The following CNTNAP3 variants were observed in gnomAD, a reference collection of about 807,000 sequenced individuals.
The protein encoded by CNTNAP3 is contactin associated protein family member 3, also known as contactin-associated protein-like 3.
A neutral mutation model predicts 92.1 loss-of-function variants in CNTNAP3; 36 were observed. That is an observed-to-expected ratio of 0.39 (90% CI 0.30 to 0.52). CNTNAP3 has a LOEUF of 0.52. Among genes scored for constraint, CNTNAP3 ranks in the 20% least tolerant of loss-of-function variants. CNTNAP3 has a pLI of 0.76. For synonymous variants in CNTNAP3, 232 were observed against 422.3 expected (o/e 0.55, Z 5.53); for missense variants, 534 against 1,069.6 (o/e 0.50, Z 6.98).
intron 13 of CNTNAP3, among the ~76,000 whole-genome samples, chr9:39,129,906 T>G (rs987248878): frequency 6.6e-6 from 1 of 152,108 alleles, no homozygotes; most frequent in African/African-American, 2.4e-5. Context: ...ATGCTCAATA[T>G]TATTAGACAT....
intron 15 of CNTNAP3, among the ~76,000 whole-genome samples, chr9:39,108,466 C>A (rs567171059): frequency 1.3e-5 from 2 of 152,280 alleles, no homozygotes; most frequent in East Asian, 3.9e-4. Flanking sequence ...TCAGAAGTAG[C>A]CTCCACACAT....
At chr9:39,114,976 T>A (rs1820820418) in intron 14 of CNTNAP3, among the ~76,000 whole-genome samples, 1 of 150,976 alleles carries the variant, frequency 6.6e-6, no homozygotes, top group South Asian at 2.1e-4. Flanking sequence ...ACTTGCAGCA[T>A]AGTTCAATAT....
At position 39,085,476 on chromosome 9, in the gene CNTNAP3, T is replaced by C. The variant is rs1018345239; in HGVS notation, c.3442+260A>G. The C allele has an allele frequency of 4.9e-5, 23 of 468,196 alleles. 1 individual carries two copies. The Middle Eastern group carries it at 1.8e-3, about 36-fold the overall frequency. 29.0% of individuals were successfully genotyped at this position (468,196 alleles called of 1,614,324 possible). Reference sequence around the variant, plus strand: ...CACTTTTCAAGAAGGATTAGAAAAATACCGTGATTCATTATGCATGATTGC... The same window carrying C: ...CACTTTTCAAGAAGGATTAGAAAAACACCGTGATTCATTATGCATGATTGC... On this transcript the variant is annotated intron_variant, in intron 21 of 23. Coordinates refer to ENST00000297668, the MANE Select transcript of CNTNAP3 (RefSeq NM_033655.5).
intron 13 of CNTNAP3, among the ~76,000 whole-genome samples, chr9:39,120,359 C>T (rs1317533942): frequency 6.6e-6 from 1 of 152,138 alleles, no homozygotes; most frequent in Non-Finnish European, 1.5e-5. Flanking sequence ...GAGAAACTAT[C>T]CTTCAAGAAT....
chr9:39,158,109 A>G (rs146713966), intron 9 of CNTNAP3, among the ~76,000 whole-genome samples: 4 of 121,934 alleles, frequency 3.3e-5, no homozygotes, highest in Admixed American at 7.8e-5. Flanking sequence ...TGGGAAATCA[A>G]TAAGATGCTC....
chr9:39,086,682 T>C, intron 20 of CNTNAP3, 34 bp downstream of exon 20: 1 of 1,600,128 alleles, frequency 6.2e-7, no homozygotes, highest in Non-Finnish European at 8.5e-7. Context: ...AATAATAATA[T>C]TAGTTAGTTT....
At chr9:39,114,850 T>C (rs1320200768) in intron 14 of CNTNAP3, among the ~76,000 whole-genome samples, 1 of 151,790 alleles carries the variant, frequency 6.6e-6, no homozygotes, top group Non-Finnish European at 1.5e-5. Flanking sequence ...ATCATTATAT[T>C]AGCAAAACAA....
At chr9:39,124,944 G>A (rs1228046700) in intron 13 of CNTNAP3, among the ~76,000 whole-genome samples, 7 of 150,652 alleles carry the variant, frequency 4.6e-5, no homozygotes, top group Admixed American at 3.3e-4. Context: ...GTGGAAGACA[G>A]TGTTGCGATT....
Position 39,132,918 on chromosome 9 carries a change from G to A in CNTNAP3, c.2080+14C>T, listed in dbSNP as rs1363101707. 3.2e-6 allele frequency: 5 copies of A among 1,540,564 alleles called. No individual in the cohort carries two copies. The highest frequency in any genetic ancestry group is 1.2e-5 in the South Asian group (1 of 84,710). On this transcript the variant is annotated intron_variant, in intron 13 of 23. Transcript: ENST00000297668. ...GCCCCGTGAACCCCTGTAGCCTCCA[G>A]GAGTGGCGCTTACCTCGTGAGTCCG...
intron 7 of CNTNAP3, among the ~76,000 whole-genome samples, chr9:39,175,034 C>G (rs1350162693): frequency 9.2e-6 from 1 of 108,172 alleles, no homozygotes; most frequent in Non-Finnish European, 1.8e-5. Context: ...GTGGCAAAAC[C>G]CTGTCTGTAC....
chr9:39,131,235 C>A (rs986635527), intron 13 of CNTNAP3, among the ~76,000 whole-genome samples: 4 of 151,956 alleles, frequency 2.6e-5, no homozygotes, highest in African/African-American at 9.7e-5. Context: ...AGGAGAGTTT[C>A]TTACTTACTG....
chr9:39,100,253 A>G (rs1826424831), intron 17 of CNTNAP3, 103 bp from the exon 18 acceptor site: 1 of 1,538,130 alleles, frequency 6.5e-7, no homozygotes, highest in African/African-American at 1.4e-5. Flanking sequence ...CAATAATCAC[A>G]ATGTGTCAAA....
At chr9:39,124,387 A>T (rs1184952416) in intron 13 of CNTNAP3, among the ~76,000 whole-genome samples, 1 of 152,146 alleles carries the variant, frequency 6.6e-6, no homozygotes, top group African/African-American at 2.4e-5. Context: ...AAACAAGGGC[A>T]ACAAATAAAA....
At chr9:39,107,133 G>T (rs1026968324) in intron 15 of CNTNAP3, among the ~76,000 whole-genome samples, 1 of 151,910 alleles carries the variant, frequency 6.6e-6, no homozygotes, top group Non-Finnish European at 1.5e-5. Flanking sequence ...GGACAGACCT[G>T]CCAGACAGAC....
intron 13 of CNTNAP3, among the ~76,000 whole-genome samples, chr9:39,123,133 CG>C (rs1312413257): frequency 1.4e-5 from 2 of 138,334 alleles, no homozygotes; most frequent in African/African-American, 5.6e-5. Flanking sequence ...CTCTCTCTGT[CG>C]CCCAGGCTGG....
At chr9:39,159,372 T>A (rs910308350) in intron 9 of CNTNAP3, 5 of 137,682 alleles carry the variant, frequency 3.6e-5, no homozygotes, top group African/African-American at 1.3e-4. Context: ...AAATATTATA[T>A]ATATATATAT....
At chr9:39,157,573 C>T (rs1250521935) in intron 9 of CNTNAP3, among the ~76,000 whole-genome samples, 3 of 90,320 alleles carry the variant, frequency 3.3e-5, no homozygotes, top group African/African-American at 1.2e-4. Flanking sequence ...GTCTCAATCT[C>T]TTGACCTTGT....
intron 15 of CNTNAP3, among the ~76,000 whole-genome samples, chr9:39,104,518 AC>A (rs1170504181): frequency 2.0e-5 from 3 of 147,056 alleles, no homozygotes; most frequent in Non-Finnish European, 4.5e-5. Flanking sequence ...ACACACACAC[AC>A]ACTGTCTTAA....
intron 13 of CNTNAP3, among the ~76,000 whole-genome samples, chr9:39,118,555 T>A (rs1820919094): frequency 6.6e-6 from 1 of 152,030 alleles, no homozygotes; most frequent in Admixed American, 6.6e-5. Context: ...TTCAAAAAAA[T>A]TCACCATTAA....
Sources: gnomAD v4.1 joint callset for allele counts (sites outside exome capture counted in the v4.1 genomes callset) on GRCh38, gnomAD v4.1.1 for gene constraint, MANE v1.5 for transcripts, NCBI Gene and HGNC (gene_info 2026-07-23, HGNC 2026-07-21) for gene names.